The following RERE variants were observed in gnomAD, a reference collection of about 807,000 sequenced individuals.
RERE encodes the protein arginine-glutamic acid dipeptide repeats, also known as arginine-glutamic acid dipeptide repeats protein.
RERE carries 40 observed loss-of-function variants against 146.1 expected under a neutral mutation model. That is an observed-to-expected ratio of 0.27 (90% CI 0.21 to 0.36). The LOEUF (loss-of-function observed/expected upper bound fraction) is 0.36, where lower values mean the gene tolerates loss of function less well. RERE is among the 10% of genes least tolerant of loss of function. The probability of loss-of-function intolerance (pLI) is 1.00; values close to 1 mark genes in which losing one functional copy is unlikely to be tolerated. For missense variants in RERE, 1,933 were observed against 2,138.7 expected (o/e 0.90, Z 1.90); for synonymous variants, 1,003 against 866.0 (o/e 1.16, Z -2.78).
Position 8,359,936 on chromosome 1 carries a change from A to C in RERE, c.3446T>G (p.Leu1149Arg). 1 of 1,613,278 alleles carries C rather than the reference A, an allele frequency of 6.2e-7. No homozygotes were observed. Among genetic ancestry groups the C allele is most frequent in the Non-Finnish European group, 8.5e-7 (1 of 1,180,014 alleles). Reference protein sequence around the residue: ...RGYNSCARTDLYFMPLAGSKL... With the variant: ...RGYNSCARTDRYFMPLAGSKL... The stretch of plus-strand genomic sequence containing the variant: ...GGACCCGGCCAGAGGCATGAAGTAC[A>C]GGTCTGTCCGGGCACACGAGTTGTA... Residue 1149 changes from leucine to arginine, a missense_variant, in exon 19 of 23, where the codon CTG becomes CGG. By Grantham distance (102) the Leu-to-Arg change is moderately radical. Transcript: ENST00000400908.
intron 1 of RERE, among the ~76,000 whole-genome samples, chr1:8,769,264 AAAAAAC>A (rs1640901868): frequency 6.6e-6 from 1 of 152,190 alleles, no homozygotes; most frequent in African/African-American, 2.4e-5. Context: ...AGGAAAAAAC[AAAAAAC>A]AAAAACAATC....
rs776186556 is a variant in RERE, at chr1:8,360,277, C to A, written c.3230G>T (p.Gly1077Val). The stretch of plus-strand genomic sequence containing the variant: ...GGACGACCCCCCCGCTATGCTGCCT[C>A]CTGAAGCCGCCGCACCAGAGCAGGG... ...QPPCSGAAAS[G>V]GSIAGGSSCP... The change falls in exon 18 of 23, where the codon GGA (glycine) becomes GTA (valine). Residue 1077 changes from glycine to valine, a missense_variant. Transcript: ENST00000400908. 1 of 1,563,456 alleles carries A rather than the reference C, an allele frequency of 6.4e-7. No homozygotes were observed. Among genetic ancestry groups the A allele is most frequent in the East Asian group, 2.4e-5 (1 of 42,268 alleles).
intron 1 of RERE, among the ~76,000 whole-genome samples, chr1:8,659,840 C>CA: frequency 6.6e-6 from 1 of 152,282 alleles, no homozygotes; most frequent in Admixed American, 6.5e-5. Flanking sequence ...ATTGTACATT[C>CA]AACACTACTC....
chr1:8,655,361 C>G (rs992138880), intron 2 of RERE, among the ~76,000 whole-genome samples: 1 of 151,990 alleles, frequency 6.6e-6, no homozygotes, highest in Non-Finnish European at 1.5e-5. Flanking sequence ...TGCACACCAC[C>G]GAGCCCAGCT....
In RERE at chr1:8,614,680, T is replaced by C. The variant is rs1197804191; in HGVS notation, c.403A>G (p.Asn135Asp). The change falls in exon 4 of 23, where the codon AAC becomes GAC. Residue 135 changes from asparagine (N) to aspartate (D), a missense_variant. Around this residue, in one of 11 missense-constraint regions of RERE, gnomAD observed 74 missense variants for 99.6 expected, o/e 0.74. Coordinates refer to ENST00000400908, the MANE Select transcript of RERE (RefSeq NM_001042681.2). The part of the protein sequence containing the change: ...CSIQDFKLVH[N>D]SQACCRSPTP... ...GGAGATCTGCAACAGGCCTGGGAGT[T>C]GTGGACCTAAAAAAGAAAACAGTTT... 2 of 1,607,306 alleles carry C rather than the reference T, an allele frequency of 1.2e-6. No individual in the cohort carries two copies. Among genetic ancestry groups the C allele is most frequent in the East Asian group, 4.5e-5 (2 of 44,602 alleles).
intron 4 of RERE, among the ~76,000 whole-genome samples, chr1:8,576,958 A>G (rs745535579): frequency 1.4e-4 from 22 of 152,210 alleles, no homozygotes; most frequent in Non-Finnish European, 3.1e-4. Context: ...TCACAAGGTC[A>G]GGAGATGGAG....
At chr1:8,720,575 G>C (rs561007543) in intron 1 of RERE, among the ~76,000 whole-genome samples, 2 of 152,258 alleles carry the variant, frequency 1.3e-5, no homozygotes, top group South Asian at 2.1e-4. Flanking sequence ...GAGAGCAAGC[G>C]AGCCGGCAGG....
Position 8,360,544 on chromosome 1 carries a change from AGGGGTGG to A in RERE, c.2956_2962del (p.Pro986CysfsTer20). 5 of 628,134 alleles carry A rather than the reference AGGGGTGG, an allele frequency of 8.0e-6. No homozygotes were observed. Among genetic ancestry groups the A allele is most frequent in the Non-Finnish European group, 8.0e-6 (4 of 499,416 alleles). The allele number at this position is 628,134 out of a possible 1,614,324, so 38.9% of individuals were successfully genotyped here. A position where few individuals can be genotyped will look rare whatever the true frequency, so the allele number is the denominator to read the frequency against. On this transcript the variant is annotated frameshift_variant, in exon 18 of 23. Transcript: ENST00000400908. LOFTEE classifies it high-confidence loss of function. ...TGGCTGGCTCTGAGGCATGAGTTGC[AGGGGTGG>A]GGGGTGAGCCGACGGGGGGTGATGT... is the stretch of plus-strand genomic sequence containing the variant.
intron 12 of RERE, among the ~76,000 whole-genome samples, chr1:8,422,283 G>T (rs1238645161): frequency 6.6e-6 from 1 of 152,110 alleles, no homozygotes; most frequent in Non-Finnish European, 1.5e-5. Flanking sequence ...GAGCAACATT[G>T]AAAAATGGAA....
chr1:8,741,847 T>C (rs1640316712), intron 1 of RERE, among the ~76,000 whole-genome samples: 1 of 152,214 alleles, frequency 6.6e-6, no homozygotes, highest in Admixed American at 6.5e-5. Flanking sequence ...ATATCTGATA[T>C]GTTGATCAGT....
chr1:8,358,169 TC>T (rs746944892), intron 20 of RERE, 26 bp downstream of exon 20: 5 of 1,565,988 alleles, frequency 3.2e-6, no homozygotes, highest in Non-Finnish European at 4.4e-6. Flanking sequence ...CGTGCCTCTG[TC>T]CCACCTGCCA....
intron 11 of RERE, among the ~76,000 whole-genome samples, chr1:8,464,036 A>G (rs1055474325): frequency 2.0e-5 from 3 of 152,260 alleles, no homozygotes; most frequent in African/African-American, 7.2e-5. Context: ...AAACAGGCTT[A>G]CAGTAAAAAA....
At chr1:8,753,592 T>C in intron 1 of RERE, 1 of 152,190 alleles carries the variant, frequency 6.6e-6, no homozygotes, top group East Asian at 1.9e-4. Flanking sequence ...CTAATGAAAA[T>C]GGCTGTTTCA....
At chr1:8,645,276 A>G (rs1195708570) in intron 2 of RERE, among the ~76,000 whole-genome samples, 3 of 152,222 alleles carry the variant, frequency 2.0e-5, no homozygotes, top group African/African-American at 7.2e-5. Flanking sequence ...TAATTTGGCC[A>G]GAATGTAATT....
At chr1:8,503,111 T>C (rs1345386684) in intron 8 of RERE, among the ~76,000 whole-genome samples, 1 of 151,048 alleles carries the variant, frequency 6.6e-6, no homozygotes, top group Non-Finnish European at 1.5e-5. Flanking sequence ...AATAAATAAA[T>C]AAATAAATAA....
intron 12 of RERE, among the ~76,000 whole-genome samples, chr1:8,417,643 G>C (rs1220135033): frequency 6.6e-6 from 1 of 152,016 alleles, no homozygotes. Flanking sequence ...CTCCTCTTTG[G>C]TCCCATCCTA....
intron 1 of RERE, among the ~76,000 whole-genome samples, chr1:8,767,737 G>T (rs1196646183): frequency 6.6e-6 from 1 of 152,002 alleles, no homozygotes; most frequent in East Asian, 1.9e-4. Flanking sequence ...CAAGGCAGGC[G>T]GATCACTTGA....
intron 1 of RERE, among the ~76,000 whole-genome samples, chr1:8,745,067 T>C (rs1640392869): frequency 6.6e-6 from 1 of 152,180 alleles, no homozygotes; most frequent in East Asian, 1.9e-4. Context: ...GTGATTTGGT[T>C]TGGCTGTATC....
intron 4 of RERE, among the ~76,000 whole-genome samples, chr1:8,591,709 AACTCCAAATTC>A (rs1367705548): frequency 6.6e-6 from 1 of 152,180 alleles, no homozygotes; most frequent in Non-Finnish European, 1.5e-5. Flanking sequence ...TGTCTAAGCC[AACTCCAAATTC>A]ACTCCAAATT....
Sources: gnomAD v4.1 joint callset for allele counts (sites outside exome capture counted in the v4.1 genomes callset) on GRCh38, gnomAD v4.1.1 for gene constraint, gnomAD v4.1.1 regional missense constraint, MANE v1.5 for transcripts, NCBI Gene and HGNC (gene_info 2026-07-23, HGNC 2026-07-21) for gene names.